The following ATP9A variants were observed in gnomAD, a reference collection of about 807,000 sequenced individuals.
ATP9A encodes probable phospholipid-transporting ATPase IIA.
A neutral mutation model predicts 144.1 loss-of-function variants in ATP9A; 52 were observed. The observed-to-expected ratio is 0.36, with a 90% CI of 0.29 to 0.45. The LOEUF (loss-of-function observed/expected upper bound fraction) is 0.45. Among genes scored for constraint, ATP9A ranks in the 20% least tolerant of loss-of-function variants. The pLI, the probability that ATP9A is intolerant of heterozygous loss-of-function variation, is 1.00. For synonymous variants in ATP9A, 582 were observed against 557.4 expected (o/e 1.04, Z -0.62); for missense variants, 947 against 1,392.7 (o/e 0.68, Z 5.09).
chr20:51,687,064 A>AC (rs2077526311), intron 9 of ATP9A, among the ~76,000 whole-genome samples: 1 of 152,176 alleles, frequency 6.6e-6, no homozygotes, highest in Admixed American at 6.6e-5. Flanking sequence ...TCAAAGAATA[A>AC]AAAGAGTAAT....
chr20:51,747,765 C>T (rs563865819), intron 1 of ATP9A, among the ~76,000 whole-genome samples: 1 of 152,162 alleles, frequency 6.6e-6, no homozygotes, highest in African/African-American at 2.4e-5. Context: ...AAGTATGACT[C>T]GTGTGTTGAC....
At chr20:51,646,818 C>T (rs1347724320) in intron 14 of ATP9A, among the ~76,000 whole-genome samples, 2 of 151,986 alleles carry the variant, frequency 1.3e-5, no homozygotes, top group Admixed American at 1.3e-4. Context: ...GAGACAGTGG[C>T]ATAAAAGGTC....
chr20:51,704,794 A>C (rs1407770818), intron 4 of ATP9A, among the ~76,000 whole-genome samples: 1 of 152,146 alleles, frequency 6.6e-6, no homozygotes, highest in Non-Finnish European at 1.5e-5. Context: ...ACAAAAAACA[A>C]ACAAACAAAA....
chr20:51,678,242 A>G (rs1349573818), intron 9 of ATP9A, among the ~76,000 whole-genome samples: 11 of 152,126 alleles, frequency 7.2e-5, no homozygotes, highest in Admixed American at 7.2e-4. Flanking sequence ...CTCTCAGGGA[A>G]GATCCCAGGA....
chr20:51,736,544 A>G (rs2426396), intron 1 of ATP9A, among the ~76,000 whole-genome samples: 146,791 of 150,264 alleles, frequency 0.98, 71,721 homozygotes, highest in East Asian at 1. Context: ...CTGGAGAACG[A>G]GGTCTCGCTA....
At chr20:51,686,475 T>C (rs1386212804) in intron 9 of ATP9A, among the ~76,000 whole-genome samples, 3 of 149,210 alleles carry the variant, frequency 2.0e-5, no homozygotes, top group African/African-American at 7.4e-5. Flanking sequence ...ACTGCAAAAA[T>C]ATGTATAACC....
intron 7 of ATP9A, among the ~76,000 whole-genome samples, chr20:51,691,675 T>C (rs992909836): frequency 2.0e-5 from 3 of 152,224 alleles, no homozygotes; most frequent in Admixed American, 1.3e-4. Flanking sequence ...GCAGCAGCTA[T>C]GGAAACAGCA....
At chr20:51,700,830 C>CA (rs1325506949) in intron 4 of ATP9A, among the ~76,000 whole-genome samples, 1 of 152,014 alleles carries the variant, frequency 6.6e-6, no homozygotes, top group Non-Finnish European at 1.5e-5. Flanking sequence ...AACTCCGTCT[C>CA]AAAAAATAGA....
intron 5 of ATP9A, 123 bp downstream of exon 5, chr20:51,697,301 C>A (rs979549841): frequency 4.8e-5 from 38 of 799,486 alleles, no homozygotes; most frequent in Non-Finnish European, 7.0e-5. Flanking sequence ...AGATTTTTCT[C>A]CCCAGGCAAA....
chr20:51,723,987 A>G (rs2077701348), intron 3 of ATP9A, among the ~76,000 whole-genome samples: 1 of 152,100 alleles, frequency 6.6e-6, no homozygotes, highest in Admixed American at 6.5e-5. Flanking sequence ...CCTGGCCAAC[A>G]GAGTGAAACC....
intron 1 of ATP9A, among the ~76,000 whole-genome samples, chr20:51,745,094 T>TGAAA (rs2077802040): frequency 6.6e-6 from 1 of 151,882 alleles, no homozygotes; most frequent in Non-Finnish European, 1.5e-5. Flanking sequence ...GCCAACATGG[T>TGAAA]GAAACCCTGC....
chr20:51,768,193 T>C (rs1462018558), intron 1 of ATP9A, 109 bp downstream of exon 1: 2 of 597,370 alleles, frequency 3.3e-6, no homozygotes, highest in Non-Finnish European at 2.3e-6. Context: ...CCCAGGCTCA[T>C]GGCGCCGGGC....
At chr20:51,733,624 T>TG (rs1429804500) in intron 1 of ATP9A, among the ~76,000 whole-genome samples, 1 of 152,082 alleles carries the variant, frequency 6.6e-6, no homozygotes, top group African/African-American at 2.4e-5. Flanking sequence ...CCGCCTGCCT[T>TG]GGCCTCCCAA....
intron 13 of ATP9A, among the ~76,000 whole-genome samples, chr20:51,660,404 G>C (rs1307814063): frequency 1.3e-5 from 2 of 152,162 alleles, no homozygotes; most frequent in African/African-American, 4.8e-5. Context: ...CAATTCCCAA[G>C]CAAGGCAAAA....
chr20:51,746,622 G>A (rs776271161), intron 1 of ATP9A, among the ~76,000 whole-genome samples: 14 of 152,182 alleles, frequency 9.2e-5, no homozygotes, highest in Non-Finnish European at 1.5e-4. Context: ...GGCAGATCAC[G>A]AGGTCAGGAG....
chr20:51,602,173 G>A (rs1455369746), intron 27 of ATP9A, among the ~76,000 whole-genome samples: 1 of 152,086 alleles, frequency 6.6e-6, no homozygotes, highest in Non-Finnish European at 1.5e-5. Context: ...AAGGTGGGGG[G>A]GGCGGGCGTA....
chr20:51,653,506 G>T (rs970566492), intron 14 of ATP9A, among the ~76,000 whole-genome samples: 1 of 152,106 alleles, frequency 6.6e-6, no homozygotes, highest in Admixed American at 6.5e-5. Flanking sequence ...TTTGAATTCC[G>T]CTGGGTGCGG....
intron 1 of ATP9A, among the ~76,000 whole-genome samples, chr20:51,757,657 C>A (rs2077862280): frequency 6.6e-6 from 1 of 152,148 alleles, no homozygotes; most frequent in Non-Finnish European, 1.5e-5. Context: ...GTAGTCCCAG[C>A]ACTTTGACAG....
chr20:51,729,555 G>A (rs2077731046), intron 2 of ATP9A, among the ~76,000 whole-genome samples: 1 of 152,050 alleles, frequency 6.6e-6, no homozygotes, highest in Admixed American at 6.6e-5. Context: ...GACCGGCCTG[G>A]CCAACATGGT....
Sources: gnomAD v4.1 joint callset for allele counts (sites outside exome capture counted in the v4.1 genomes callset) on GRCh38, gnomAD v4.1.1 for gene constraint, MANE v1.5 for transcripts, NCBI Gene and HGNC (gene_info 2026-07-23, HGNC 2026-07-21) for gene names.